Variants in ANK2 observed in about 807,000 individuals in gnomAD.
The protein encoded by ANK2 is ankyrin 2, also known as ankyrin-2.
A neutral mutation model predicts 360.5 loss-of-function variants in ANK2; 83 were observed. The ratio of observed to expected loss-of-function variants is 0.23; its 90% CI spans 0.19 to 0.28. The LOEUF (loss-of-function observed/expected upper bound fraction) is 0.28. ANK2 is among the 10% of genes least tolerant of loss of function. The pLI is 1.00. For synonymous variants in ANK2, 1,740 were observed against 1,759.5 expected (o/e 0.99, Z 0.28); for missense variants, 4,201 against 4,795.7 (o/e 0.88, Z 3.66).
intron 24 of ANK2, among the ~76,000 whole-genome samples, chr4:113,314,431 A>G (rs1295726881): frequency 2.6e-5 from 4 of 152,232 alleles, no homozygotes; most frequent in Non-Finnish European, 5.9e-5. Context: ...GTTGTACCGT[A>G]GTAAAATAAA....
intron 2 of ANK2, among the ~76,000 whole-genome samples, chr4:112,992,869 A>G (rs2047291993): frequency 1.3e-5 from 2 of 152,216 alleles, no homozygotes; most frequent in Non-Finnish European, 2.9e-5. Flanking sequence ...TATTTCTTAA[A>G]ATTGACATCT....
the ANK2 span, among the ~76,000 whole-genome samples, chr4:112,795,566 C>A: frequency 6.6e-6 from 1 of 151,916 alleles, no homozygotes; most frequent in Admixed American, 6.6e-5. Flanking sequence ...TACAGTGGTG[C>A]GATCTCGGCC....
chr4:112,862,512 T>C (rs2068465092), intron 1 of ANK2, among the ~76,000 whole-genome samples: 2 of 152,198 alleles, frequency 1.3e-5, no homozygotes, highest in Non-Finnish European at 2.9e-5. Context: ...ACCAGAGTTC[T>C]AGTTGTTTTT....
At chr4:113,344,048 T>C (rs2094561097) in intron 34 of ANK2, among the ~76,000 whole-genome samples, 1 of 152,216 alleles carries the variant, frequency 6.6e-6, no homozygotes, top group Non-Finnish European at 1.5e-5. Flanking sequence ...GTCTCTTTCA[T>C]TGTGCCATTT....
At chr4:113,128,851 A>G (rs1339179893) in intron 1 of ANK2, among the ~76,000 whole-genome samples, 6 of 152,198 alleles carry the variant, frequency 3.9e-5, no homozygotes, top group African/African-American at 9.6e-5. Context: ...TTGTGTGTAT[A>G]CAGACATGTA....
intron 1 of ANK2, among the ~76,000 whole-genome samples, chr4:112,856,963 A>G (rs2066590636): frequency 6.6e-6 from 1 of 152,234 alleles, no homozygotes; most frequent in Non-Finnish European, 1.5e-5. Context: ...TTGTTGCCAA[A>G]ACAACTTAAC....
chr4:113,207,552 T>C (rs990383849), intron 4 of ANK2, among the ~76,000 whole-genome samples: 1 of 152,086 alleles, frequency 6.6e-6, no homozygotes, highest in Non-Finnish European at 1.5e-5. Flanking sequence ...AGTAAATGGT[T>C]AAAATAGTAC....
intron 1 of ANK2, among the ~76,000 whole-genome samples, chr4:112,895,486 C>T (rs2081456719): frequency 6.6e-6 from 1 of 152,136 alleles, no homozygotes; most frequent in Non-Finnish European, 1.5e-5. Flanking sequence ...CTTTTAGGTG[C>T]TGAACGCCAT....
At chr4:112,972,602 G>A (rs761150736) in intron 2 of ANK2, among the ~76,000 whole-genome samples, 31 of 152,154 alleles carry the variant, frequency 2.0e-4, no homozygotes, top group Non-Finnish European at 4.1e-4. Context: ...TACACGGGAC[G>A]TTACATATAG....
chr4:112,735,148 G>A, the ANK2 span, among the ~76,000 whole-genome samples: 1 of 152,068 alleles, frequency 6.6e-6, no homozygotes, highest in African/African-American at 2.4e-5. Context: ...ACTGTGAGAG[G>A]CTGAGGTGGG....
rs191973132 is a variant in ANK2 at position 113,307,965 on chromosome 4, G to C, written c.2549-3290G>C. ...CATCATTCTATTAAGTGAGTAAATAGGTAACAATCGGAAGGAAGTTATTCC... is the reference window on the plus strand; with the variant it reads ...CATCATTCTATTAAGTGAGTAAATACGTAACAATCGGAAGGAAGTTATTCC... On this transcript the variant is annotated intron_variant, in intron 23 of 45. Transcript: ENST00000357077. Among the ~76,000 whole-genome samples the C allele has an allele frequency of 3.0e-3, 454 of 152,242 alleles. 3 individuals carry two copies. The highest frequency in any genetic ancestry group is 4.6e-3 in the East Asian group (24 of 5,182).
chr4:113,325,500 A>G (rs564593033), intron 26 of ANK2, among the ~76,000 whole-genome samples: 2 of 152,292 alleles, frequency 1.3e-5, no homozygotes, highest in African/African-American at 2.4e-5. Flanking sequence ...TTAATTCAAG[A>G]TAGAGATATA....
intron 1 of ANK2, among the ~76,000 whole-genome samples, chr4:113,114,653 C>A (rs1232466185): frequency 6.6e-6 from 1 of 152,012 alleles, no homozygotes; most frequent in African/African-American, 2.4e-5. Context: ...AAATTAATAA[C>A]TGTTTGATTT....
chr4:113,033,636 G>A (rs1211185639), intron 2 of ANK2, among the ~76,000 whole-genome samples: 1 of 151,808 alleles, frequency 6.6e-6, no homozygotes, highest in African/African-American at 2.4e-5. Flanking sequence ...GTATCAAACT[G>A]CAAATTGGTC....
chr4:113,369,809 A>T lies in ANK2; in HGVS notation c.11610+4A>T, dbSNP rs760756183. On this transcript the variant is annotated splice_donor_region_variant and intron_variant, in intron 43 of 45. Transcript: ENST00000357077. ...TGAAGATGCAGCTTTTGAAAAGGTAAGACATTCCTCTCCACTTTCTCGCCC... is the reference window on the plus strand; with the variant it reads ...TGAAGATGCAGCTTTTGAAAAGGTATGACATTCCTCTCCACTTTCTCGCCC... The T allele has an allele frequency of 6.2e-7, 1 of 1,614,090 alleles. No homozygotes were observed. The highest frequency in any genetic ancestry group is 8.5e-7 in the Non-Finnish European group (1 of 1,180,004).
At chr4:113,001,157 C>G (rs2050494616) in intron 2 of ANK2, among the ~76,000 whole-genome samples, 1 of 151,790 alleles carries the variant, frequency 6.6e-6, no homozygotes, top group African/African-American at 2.4e-5. Context: ...TTGGCAAAAC[C>G]CTGGCTCTAC....
rs186296230 is a variant in ANK2 at position 112,837,264 on chromosome 4, T to C, written c.-40+19000T>C. On this transcript the variant is annotated intron_variant, in intron 1 of 30. Transcript: ENST00000503271. Reference sequence around the variant, plus strand: ...CCAAACCTTGGCAACGTCCATGTGGTGTTGGGCCTGTGGGTACACAGAGGC... The same window carrying C: ...CCAAACCTTGGCAACGTCCATGTGGCGTTGGGCCTGTGGGTACACAGAGGC... Among the ~76,000 whole-genome samples the C allele has an allele frequency of 2.9e-3, 447 of 152,312 alleles. 2 individuals carry two copies. The highest frequency in any genetic ancestry group is 0.01 in the African/African-American group (422 of 41,566).
At chr4:112,983,471 G>A (rs35893651) in intron 2 of ANK2, among the ~76,000 whole-genome samples, 28,797 of 151,692 alleles carry the variant, frequency 0.19, 3,092 homozygotes, top group East Asian at 0.37. Flanking sequence ...GAGGTTGGGA[G>A]ATCGAGACCA....
intron 2 of ANK2, among the ~76,000 whole-genome samples, chr4:112,943,642 T>G (rs1172298573): frequency 6.6e-6 from 1 of 152,106 alleles, no homozygotes; most frequent in South Asian, 2.1e-4. Flanking sequence ...GCTCTAACGC[T>G]TCTAATTTTA....
Sources: allele counts gnomAD v4.1 joint callset (sites outside exome capture counted in the v4.1 genomes callset), GRCh38; gene constraint gnomAD v4.1.1; transcripts MANE v1.5; gene names NCBI Gene and HGNC (gene_info 2026-07-23, HGNC 2026-07-21).